The following NXPE2 variants were observed in gnomAD, a reference collection of about 807,000 sequenced individuals.
NXPE2 encodes neurexophilin and PC-esterase domain family member 2, also known as NXPE family member 2.
A neutral mutation model predicts 34.4 loss-of-function variants in NXPE2; 34 were observed. The ratio of observed to expected loss-of-function variants is 0.99; its 90% CI spans 0.75 to 1.31. The LOEUF is 1.31. Among genes scored for constraint, NXPE2 ranks in the 40% most tolerant of loss-of-function variants. NXPE2 has a pLI of 0.00. For missense variants in NXPE2, 649 were observed against 672.5 expected (o/e 0.97, Z 0.39); for synonymous variants, 235 against 231.3 (o/e 1.02, Z -0.15).
chr11:114,808,636 T>C, the NXPE2 span, among the ~76,000 whole-genome samples: 1 of 142,612 alleles, frequency 7.0e-6, no homozygotes, highest in African/African-American at 2.6e-5. Context: ...CTCCCAAGAC[T>C]AAACCAGGAA....
At chr11:114,628,719 T>C in the NXPE2 span, among the ~76,000 whole-genome samples, 4 of 149,884 alleles carry the variant, frequency 2.7e-5, no homozygotes, top group Non-Finnish European at 4.5e-5. Context: ...TTCAAAAAAT[T>C]AACGAATCCA....
chr11:114,733,310 G>C, the NXPE2 span, among the ~76,000 whole-genome samples: 1 of 152,132 alleles, frequency 6.6e-6, no homozygotes, highest in Non-Finnish European at 1.5e-5. Flanking sequence ...AGCCAGGATG[G>C]TCTCGATCTC....
the NXPE2 span, among the ~76,000 whole-genome samples, chr11:114,565,704 T>C: frequency 6.6e-6 from 1 of 152,142 alleles, no homozygotes; most frequent in Non-Finnish European, 1.5e-5. Context: ...TTATGGATCA[T>C]GGAAAGGAGT....
At chr11:114,499,820 T>G in the NXPE2 span, among the ~76,000 whole-genome samples, 1 of 152,330 alleles carries the variant, frequency 6.6e-6, no homozygotes, top group Non-Finnish European at 1.5e-5. Context: ...CTGTCCCTAC[T>G]GATTCATTTC....
At chr11:114,594,500 C>A in the NXPE2 span, among the ~76,000 whole-genome samples, 1 of 152,104 alleles carries the variant, frequency 6.6e-6, no homozygotes, top group South Asian at 2.1e-4. Flanking sequence ...AGTATTTATC[C>A]TCTCACATAT....
the NXPE2 span, among the ~76,000 whole-genome samples, chr11:114,639,908 AAATAT>A: frequency 8.7e-6 from 1 of 114,982 alleles, no homozygotes; most frequent in African/African-American, 3.6e-5. Flanking sequence ...ATTAAATATA[AAATAT>A]AATATTATAT....
chr11:114,681,667 G>A (rs1309042637), intron 2 of NXPE2, among the ~76,000 whole-genome samples: 1 of 151,888 alleles, frequency 6.6e-6, no homozygotes, highest in Non-Finnish European at 1.5e-5. Flanking sequence ...TTAACATAAC[G>A]ATTATAATTA....
the NXPE2 span, among the ~76,000 whole-genome samples, chr11:114,786,886 A>G: frequency 3.9e-5 from 6 of 151,938 alleles, no homozygotes; most frequent in African/African-American, 1.5e-4. Context: ...AGCCTCACAC[A>G]CTGCTTGGCT....
the NXPE2 span, among the ~76,000 whole-genome samples, chr11:114,744,467 C>T: frequency 6.6e-6 from 1 of 151,824 alleles, no homozygotes; most frequent in Non-Finnish European, 1.5e-5. Flanking sequence ...AATAAGTGAG[C>T]ATTCTGGATG....
chr11:114,799,739 C>T, the NXPE2 span, among the ~76,000 whole-genome samples: 14 of 152,192 alleles, frequency 9.2e-5, no homozygotes, highest in Non-Finnish European at 1.6e-4. Flanking sequence ...AGAGCTTCAA[C>T]AGAGGAATCT....
At chr11:114,596,872 C>T in the NXPE2 span, among the ~76,000 whole-genome samples, 2 of 152,182 alleles carry the variant, frequency 1.3e-5, no homozygotes, top group Middle Eastern at 3.4e-3. Flanking sequence ...GAGGTAGGCA[C>T]AATAGATATG....
the NXPE2 span, among the ~76,000 whole-genome samples, chr11:114,545,442 GC>G: frequency 6.6e-6 from 1 of 152,176 alleles, no homozygotes; most frequent in African/African-American, 2.4e-5. Flanking sequence ...AATGCATAAT[GC>G]TAAGAGAAAG....
the NXPE2 span, among the ~76,000 whole-genome samples, chr11:114,616,370 T>C: frequency 1.0e-3 from 155 of 151,580 alleles, 2 homozygotes; most frequent in Admixed American, 8.3e-3. Flanking sequence ...GTAACCACTG[T>C]TACCCAGTGG....
At chr11:114,754,462 G>A in the NXPE2 span, among the ~76,000 whole-genome samples, 1 of 152,172 alleles carries the variant, frequency 6.6e-6, no homozygotes. Flanking sequence ...ACATCTGCTC[G>A]CTTGAATACC....
At chr11:114,633,216 TTATA>T in the NXPE2 span, among the ~76,000 whole-genome samples, 4 of 132,682 alleles carry the variant, frequency 3.0e-5, no homozygotes, top group Non-Finnish European at 4.6e-5. Context: ...GTATATTACA[TTATA>T]TATATAAATA....
the NXPE2 span, among the ~76,000 whole-genome samples, chr11:114,536,025 G>C: frequency 1.3e-5 from 2 of 152,116 alleles, no homozygotes; most frequent in African/African-American, 2.4e-5. Flanking sequence ...TGACCACATA[G>C]TTGGAAGTAA....
At chr11:114,634,283 G>A in the NXPE2 span, among the ~76,000 whole-genome samples, 3 of 152,058 alleles carry the variant, frequency 2.0e-5, no homozygotes, top group East Asian at 1.9e-4. Context: ...GTCTGTTCAT[G>A]TCCTTTGCCC....
At chr11:114,776,307 A>T in the NXPE2 span, among the ~76,000 whole-genome samples, 1 of 152,248 alleles carries the variant, frequency 6.6e-6, no homozygotes, top group Non-Finnish European at 1.5e-5. Flanking sequence ...AGCACTTGTC[A>T]TCTTGTCCGT....
chr11:114,579,594 C>A, the NXPE2 span, among the ~76,000 whole-genome samples: 3 of 152,118 alleles, frequency 2.0e-5, no homozygotes, highest in Non-Finnish European at 2.9e-5. Flanking sequence ...TACCTTACAC[C>A]AAAGAGAAGT....
Sources: gnomAD v4.1 joint callset for allele counts (sites outside exome capture counted in the v4.1 genomes callset) on GRCh38, gnomAD v4.1.1 for gene constraint, MANE v1.5 for transcripts, NCBI Gene and HGNC (gene_info 2026-07-23, HGNC 2026-07-21) for gene names.